The following CADPS2 variants were observed in gnomAD, a reference collection of about 807,000 sequenced individuals.
CADPS2 encodes the protein calcium dependent secretion activator 2, also known as calcium-dependent secretion activator 2.
CADPS2 carries 93 observed loss-of-function variants against 172.5 expected under a neutral mutation model. That is an observed-to-expected ratio of 0.54 (90% CI 0.46 to 0.64). CADPS2 has a LOEUF of 0.64. Among genes scored for constraint, CADPS2 ranks in the 30% least tolerant of loss-of-function variants. The pLI, the probability that CADPS2 is intolerant of heterozygous loss-of-function variation, is 0.00. For synonymous variants in CADPS2, 546 were observed against 555.2 expected (o/e 0.98, Z 0.23); for missense variants, 1,420 against 1,565.9 (o/e 0.91, Z 1.57).
chr7:122,521,322 C>T (rs1044178849), intron 8 of CADPS2, among the ~76,000 whole-genome samples: 2 of 152,104 alleles, frequency 1.3e-5, no homozygotes, highest in Non-Finnish European at 2.9e-5. Context: ...TCTGTGGGCA[C>T]CATTGCATTT....
chr7:122,788,572 A>G (rs1421022750), intron 1 of CADPS2, among the ~76,000 whole-genome samples: 1 of 151,864 alleles, frequency 6.6e-6, no homozygotes, highest in East Asian at 1.9e-4. Flanking sequence ...AAATCCTATG[A>G]CTCTTTTCCT....
chr7:122,466,184 A>C (rs745739852), intron 14 of CADPS2, among the ~76,000 whole-genome samples: 6 of 152,168 alleles, frequency 3.9e-5, no homozygotes, highest in Non-Finnish European at 8.8e-5. Context: ...ATACTAAAAA[A>C]TTTCCTTTGC....
Position 122,369,755 on chromosome 7 carries a change from C to T in CADPS2, c.3388-8742G>A, listed in dbSNP as rs1186829325. 4.6e-5 allele frequency: 7 copies of T among 152,296 alleles called. No individual in the cohort carries two copies. In the East Asian group the frequency reaches 1.4e-3, roughly 29 times the overall value. 9.4% of individuals were successfully genotyped at this position (152,296 alleles called of 1,614,324 possible). On this transcript the variant is annotated intron_variant, in intron 25 of 29. Transcript: ENST00000449022. Reference sequence around the variant, plus strand: ...ATGATACTAACATTCAGGCCATAAACCTAAGAGTACTCCTTACTATTTCCC... The same window carrying T: ...ATGATACTAACATTCAGGCCATAAATCTAAGAGTACTCCTTACTATTTCCC...
chr7:122,343,696 T>C (rs960348618), intron 28 of CADPS2, among the ~76,000 whole-genome samples: 3 of 152,216 alleles, frequency 2.0e-5, no homozygotes, highest in Admixed American at 6.5e-5. Flanking sequence ...CTTTTCAACA[T>C]AGAAGACGTG....
At chr7:122,732,712 AATTATATATTACATATC>A (rs1277122877) in intron 2 of CADPS2, among the ~76,000 whole-genome samples, 4 of 144,352 alleles carry the variant, frequency 2.8e-5, no homozygotes, top group South Asian at 2.1e-4. Flanking sequence ...TATTATATAT[AATTATATATTACATATC>A]ATTATATATT....
At chr7:122,665,858 CT>C (rs2081137642) in intron 2 of CADPS2, among the ~76,000 whole-genome samples, 1 of 152,110 alleles carries the variant, frequency 6.6e-6, no homozygotes, top group Non-Finnish European at 1.5e-5. Context: ...GTCTCCCTGT[CT>C]TATTTTTTAT....
intron 2 of CADPS2, among the ~76,000 whole-genome samples, chr7:122,725,063 T>G (rs1029654853): frequency 3.3e-5 from 5 of 152,092 alleles, no homozygotes; most frequent in Non-Finnish European, 5.9e-5. Context: ...GTGTAGTTCA[T>G]GAACACAAAC....
intron 8 of CADPS2, among the ~76,000 whole-genome samples, chr7:122,515,595 CA>C (rs1262331100): frequency 6.6e-6 from 1 of 152,082 alleles, no homozygotes; most frequent in African/African-American, 2.4e-5. Context: ...GCCTGCTTCT[CA>C]GCTCTTTCCA....
intron 17 of CADPS2, among the ~76,000 whole-genome samples, chr7:122,427,625 T>C (rs1292620543): frequency 6.6e-6 from 1 of 152,212 alleles, no homozygotes; most frequent in Non-Finnish European, 1.5e-5. Flanking sequence ...TTGCTATAGA[T>C]GAAGTATGTC....
chr7:122,680,760 C>T (rs2082934360), intron 2 of CADPS2, among the ~76,000 whole-genome samples: 1 of 152,022 alleles, frequency 6.6e-6, no homozygotes, highest in African/African-American at 2.4e-5. Context: ...ACCATTTGAC[C>T]CAGCCATCCC....
At chr7:122,470,283 A>G (rs1205401301) in intron 14 of CADPS2, among the ~76,000 whole-genome samples, 1 of 152,110 alleles carries the variant, frequency 6.6e-6, no homozygotes, top group African/African-American at 2.4e-5. Context: ...GAAATGTAAA[A>G]AAGAGAATGT....
intron 17 of CADPS2, among the ~76,000 whole-genome samples, chr7:122,418,520 T>G (rs895223403): frequency 6.6e-6 from 1 of 152,182 alleles, no homozygotes; most frequent in Non-Finnish European, 1.5e-5. Context: ...TAAATTAATT[T>G]TAGGAAAATG....
At chr7:122,810,101 A>G (rs1799703830) in intron 1 of CADPS2, among the ~76,000 whole-genome samples, 1 of 152,096 alleles carries the variant, frequency 6.6e-6, no homozygotes, top group Non-Finnish European at 1.5e-5. Context: ...TTGCCCAAGT[A>G]AGTTTACATC....
At chr7:122,792,132 G>A (rs1398864538) in intron 1 of CADPS2, among the ~76,000 whole-genome samples, 7 of 152,114 alleles carry the variant, frequency 4.6e-5, no homozygotes, top group Admixed American at 1.3e-4. Context: ...GTAAACAGAG[G>A]ATACCACAGT....
chr7:122,474,656 G>C (rs2056417950), intron 12 of CADPS2, 139 bp from the exon 13 acceptor site: 1 of 753,360 alleles, frequency 1.3e-6, no homozygotes, highest in South Asian at 2.3e-5. Flanking sequence ...CAAGAGTTCA[G>C]CATATTAACA....
At chr7:122,821,967 T>C (rs1803431360) in intron 1 of CADPS2, among the ~76,000 whole-genome samples, 2 of 151,304 alleles carry the variant, frequency 1.3e-5, no homozygotes, top group African/African-American at 2.4e-5. Context: ...ACTTAGACTG[T>C]GCCCCAAAAA....
chr7:122,420,495 T>C (rs1282621004), intron 17 of CADPS2, among the ~76,000 whole-genome samples: 1 of 152,242 alleles, frequency 6.6e-6, no homozygotes, highest in Non-Finnish European at 1.5e-5. Context: ...CCGTCTCTGG[T>C]TTCACCCATT....
intron 1 of CADPS2, among the ~76,000 whole-genome samples, chr7:122,754,138 G>A (rs2093063071): frequency 1.3e-5 from 2 of 152,120 alleles, no homozygotes; most frequent in Admixed American, 1.3e-4. Context: ...TTGTTTACAT[G>A]CAAATGTATT....
chr7:122,827,253 TCTCA>T (rs1805173056), intron 1 of CADPS2, among the ~76,000 whole-genome samples: 1 of 152,068 alleles, frequency 6.6e-6, no homozygotes, highest in Non-Finnish European at 1.5e-5. Context: ...TCAATAGCCC[TCTCA>T]CTACTAAGGA....
Sources: gnomAD v4.1 joint callset for allele counts (sites outside exome capture counted in the v4.1 genomes callset) on GRCh38, gnomAD v4.1.1 for gene constraint, MANE v1.5 for transcripts, NCBI Gene and HGNC (gene_info 2026-07-23, HGNC 2026-07-21) for gene names.